Variants in ISLR2 observed in about 807,000 individuals in gnomAD.
ISLR2 encodes the protein immunoglobulin superfamily containing leucine rich repeat 2.
Under a neutral mutation model 25.5 loss-of-function variants are expected in ISLR2, and 16 were observed. That is an observed-to-expected ratio of 0.63 (90% CI 0.43 to 0.95). The LOEUF (loss-of-function observed/expected upper bound fraction) is 0.95. Among genes scored for constraint, ISLR2 ranks in the 40% least tolerant of loss-of-function variants. The pLI, the probability that ISLR2 is intolerant of heterozygous loss-of-function variation, is 0.00. For missense variants in ISLR2, 883 were observed against 1,030.7 expected, an observed-to-expected ratio of 0.86 and a Z score of 1.96; for synonymous variants, 508 against 486.6, an observed-to-expected ratio of 1.04 and a Z score of -0.58.
rs1240677873 is a variant in ISLR2, at chr15:74,136,570, G to A, written c.*1578G>A. On this transcript the variant is annotated 3_prime_UTR_variant, in exon 3 of 3. Transcript: ENST00000453268. ...GTGTAGGGGGGCGGGCGGGGGGGCG[G>A]ATGGGCGGGGAGGGAGGGAAGGGGA... 1.4e-5 allele frequency: 2 copies of A among 145,776 alleles called. No individual in the cohort carries two copies. The highest frequency in any genetic ancestry group is 3.1e-5 in the Non-Finnish European group (2 of 64,416). 9.0% of individuals were successfully genotyped at this position (145,776 alleles called of 1,614,324 possible).
chr15:74,108,594 A>C (rs2072141119), intron 2 of ISLR2, among the ~76,000 whole-genome samples: 1 of 152,194 alleles, frequency 6.6e-6, no homozygotes, highest in African/African-American at 2.4e-5. Context: ...CACCTGGGCC[A>C]GCTGGAGAAG....
chr15:74,121,046 T>G (rs188810478), intron 2 of ISLR2, among the ~76,000 whole-genome samples: 24 of 151,560 alleles, frequency 1.6e-4, no homozygotes, highest in Non-Finnish European at 4.4e-5. Context: ...TCTCCCCTGA[T>G]TCCAGCCCAT....
upstream of ISLR2, among the ~76,000 whole-genome samples, chr15:74,123,440 C>T (rs182864611): frequency 2.0e-5 from 3 of 152,334 alleles, no homozygotes; most frequent in Admixed American, 6.5e-5. Context: ...GGCCTCAAGA[C>T]ACACATCTAG....
Position 74,132,940 on chromosome 15 carries a change from G to A in ISLR2, c.186G>A (p.Lys62=). The change falls in exon 3 of 3, where the codon AAG becomes AAA. Residue 62 remains lysine (K), a synonymous_variant. Transcript: ENST00000453268. This position sits in a 1 kb window ranked among gnomAD's most constrained non-coding sequence, Gnocchi z 4.3. ...NVTTLSLSAN[K]ITVLRRGAFA... ...CGACGCTTAGTCTGTCCGCGAACAA[G>A]ATCACTGTGCTGCGGCGCGGGGCCT... 1.2e-6 allele frequency: 2 copies of A among 1,614,086 alleles called. No homozygotes were observed. The highest frequency in any genetic ancestry group is 1.1e-5 in the South Asian group (1 of 91,084).
chr15:74,125,795 C>T (rs184866298), upstream of ISLR2: 30 of 152,332 alleles, frequency 2.0e-4, no homozygotes, highest in African/African-American at 7.2e-4. Context: ...CTCTCAGTTG[C>T]CTCCAGCAAA....
exon 2 of ISLR2, chr15:74,103,878 C>T (rs2072099680): frequency 6.6e-6 from 1 of 150,750 alleles, no homozygotes; most frequent in Admixed American, 6.6e-5. Context: ...CCTTCTCTCT[C>T]CTGCTGCCCT....
Position 74,134,805 on chromosome 15 carries a change from G to A in ISLR2, c.2051G>A (p.Gly684Glu). 1 of 1,614,124 alleles carries A rather than the reference G, an allele frequency of 6.2e-7. No homozygotes were observed. Among genetic ancestry groups the A allele is most frequent in the Non-Finnish European group, 8.5e-7 (1 of 1,180,008 alleles). Residue 684 changes from glycine (G) to glutamate (E), a missense_variant, in exon 3 of 3, where the codon GGA becomes GAA. By Grantham distance (98) the Gly-to-Glu change is moderately conservative. This residue lies in a region of ISLR2 where 612 missense variants were observed against 642.8 expected (regional missense o/e 0.95). Transcript: ENST00000453268. ...GEGLDEDAEQGDPSGDLQREE... is the reference protein window; with the variant it reads ...GEGLDEDAEQEDPSGDLQREE... ...GGCCTTGATGAAGACGCGGAGCAGG[G>A]AGACCCAAGTGGGGACCTGCAGAGA...
At chr15:74,107,047 C>T (rs2072126156) in intron 2 of ISLR2, among the ~76,000 whole-genome samples, 1 of 151,958 alleles carries the variant, frequency 6.6e-6, no homozygotes, top group African/African-American at 2.4e-5. Context: ...AGAGGAGGTG[C>T]CTGCTGGAGG....
downstream of ISLR2, among the ~76,000 whole-genome samples, chr15:74,140,283 T>C (rs913511870): frequency 6.6e-6 from 1 of 152,136 alleles, no homozygotes; most frequent in African/African-American, 2.4e-5. Context: ...CAACCACAAC[T>C]AAAGCTAACA....
chr15:74,132,668 G>A lies in ISLR2; in HGVS notation c.-8-79G>A. On this transcript the variant is annotated intron_variant, in intron 2 of 2. Coordinates refer to ENST00000453268, the MANE Select transcript of ISLR2 (RefSeq NM_020851.3). The surrounding 1 kb of genome is among the most constrained non-coding windows in gnomAD (Gnocchi z 4.3). ...GGAACTAGTGCTAAACGGGCTTGCG[G>A]AGGCACAGCTTGATAGGGGAGGTAA... 4 of 1,506,778 alleles carry A rather than the reference G, an allele frequency of 2.7e-6. No individual in the cohort carries two copies. The highest frequency in any genetic ancestry group is 3.5e-6 in the Non-Finnish European group (4 of 1,127,590). The allele number at this position is 1,506,778 out of a possible 1,614,324, so 93.3% of individuals were successfully genotyped here.
chr15:74,111,591 TATTCATTCATTCATTC>T (rs71137377), intron 2 of ISLR2, among the ~76,000 whole-genome samples: 2 of 150,826 alleles, frequency 1.3e-5, no homozygotes, highest in African/African-American at 4.9e-5. Context: ...GCCAGGCCTC[TATTCATTCATTCATTC>T]ATTCATTCAT....
At chr15:74,112,463 G>GTTA (rs1363351201) in intron 2 of ISLR2, among the ~76,000 whole-genome samples, 1 of 151,300 alleles carries the variant, frequency 6.6e-6, no homozygotes, top group Non-Finnish European at 1.5e-5. Flanking sequence ...ATTCTTTAAC[G>GTTA]TATGTATGTA....
chr15:74,141,699 G>A (rs190925788), downstream of ISLR2, among the ~76,000 whole-genome samples: 1 of 152,284 alleles, frequency 6.6e-6, no homozygotes, highest in Non-Finnish European at 1.5e-5. Flanking sequence ...TACAGGCAAA[G>A]AAACCAAAGA....
intron 2 of ISLR2, among the ~76,000 whole-genome samples, chr15:74,112,692 T>G (rs2072178003): frequency 6.6e-6 from 1 of 152,054 alleles, no homozygotes; most frequent in Non-Finnish European, 1.5e-5. Flanking sequence ...CACGCCCAGC[T>G]AATTTTTGTA....
Position 74,133,258 on chromosome 15 carries a change from C to A in ISLR2, c.504C>A (p.Asp168Glu). Residue 168 changes from aspartate to glutamate, a missense_variant, in exon 3 of 3, where the codon GAC becomes GAA. Physicochemically the swap from Asp to Glu is conservative, Grantham distance 45. Coordinates refer to ENST00000453268, the MANE Select transcript of ISLR2 (RefSeq NM_020851.3). ...GTACGCTGGCGCCTGGCACCTTCGA[C>A]GCGCTTAGCGCGCTGTCACACTTGC... ...RLRTLAPGTF[D>E]ALSALSHLQL... is the part of the protein sequence containing the mutation. The A allele has an allele frequency of 6.2e-7, 1 of 1,611,534 alleles. No individual in the cohort carries two copies.
At chr15:74,125,182 T>G (rs1348788089), upstream of ISLR2, among the ~76,000 whole-genome samples, 1 of 152,130 alleles carries the variant, frequency 6.6e-6, no homozygotes. Context: ...CCAAGCATTT[T>G]GCATCCCGCC....
rs2072521364 is a variant in ISLR2, at chr15:74,134,521, G to A, written c.1767G>A (p.Ser589=). ...TTTCCACCAAGAAGGAGCTCCCATC[G>A]CTGCTGGTCATAGTGGCAGTGAGCG... is the stretch of plus-strand genomic sequence containing the variant. ...VVFSTKKELP[S]LLVIVAVSVF... is the part of the protein sequence containing the mutation. Residue 589 remains serine (S), a synonymous_variant, in exon 3 of 3, where the codon TCG becomes TCA. Transcript: ENST00000453268. The A allele has an allele frequency of 1.9e-6, 3 of 1,614,050 alleles. No individual in the cohort carries two copies. The highest frequency in any genetic ancestry group is 2.5e-6 in the Non-Finnish European group (3 of 1,180,030).
chr15:74,114,245 G>A (rs2072192787), intron 2 of ISLR2, among the ~76,000 whole-genome samples: 1 of 152,162 alleles, frequency 6.6e-6, no homozygotes. Flanking sequence ...CAGCTTTGTA[G>A]TTGTTTATGC....
intron 2 of ISLR2, among the ~76,000 whole-genome samples, chr15:74,112,082 G>T (rs2072172394): frequency 6.6e-6 from 1 of 152,112 alleles, no homozygotes. Context: ...CAAATAAAAG[G>T]TTAAAATTTT....
Sources: gnomAD v4.1 joint callset for allele counts (sites outside exome capture counted in the v4.1 genomes callset) on GRCh38, gnomAD v4.1.1 for gene constraint, gnomAD v4.1.1 regional missense constraint, Gnocchi (gnomAD v3.1) non-coding constraint, MANE v1.5 for transcripts, NCBI Gene and HGNC (gene_info 2026-07-23, HGNC 2026-07-21) for gene names.